Variants in PPARGC1A observed in about 807,000 individuals in gnomAD.
PPARGC1A encodes the protein peroxisome proliferator-activated receptor gamma coactivator 1-alpha.
A neutral mutation model predicts 88.7 loss-of-function variants in PPARGC1A; 25 were observed. The ratio of observed to expected loss-of-function variants is 0.28; its 90% CI spans 0.21 to 0.39. PPARGC1A has a LOEUF of 0.39. PPARGC1A is among the 10% of genes least tolerant of loss of function. The probability of loss-of-function intolerance (pLI) is 1.00; values close to 1 mark genes in which losing one functional copy is unlikely to be tolerated. For missense variants in PPARGC1A, 880 were observed against 968.7 expected (o/e 0.91, Z 1.22); for synonymous variants, 363 against 355.6 (o/e 1.02, Z -0.24).
At chr4:23,853,136 G>T (rs1371861428) in intron 2 of PPARGC1A, among the ~76,000 whole-genome samples, 1 of 152,012 alleles carries the variant, frequency 6.6e-6, no homozygotes. Context: ...TTAGAAGAAG[G>T]TTTTCATTAT....
At chr4:23,867,613 T>G (rs1477374193) in intron 2 of PPARGC1A, among the ~76,000 whole-genome samples, 3 of 152,184 alleles carry the variant, frequency 2.0e-5, no homozygotes, top group Non-Finnish European at 2.9e-5. Context: ...GTGAAGGAGA[T>G]CCTCTCTCTG....
chr4:24,279,597 G>T, the PPARGC1A span, among the ~76,000 whole-genome samples: 1 of 152,092 alleles, frequency 6.6e-6, no homozygotes, highest in African/African-American at 2.4e-5. Flanking sequence ...CCAGAACCAG[G>T]CAGACTCTCC....
chr4:24,178,372 C>T, the PPARGC1A span, among the ~76,000 whole-genome samples: 1 of 152,000 alleles, frequency 6.6e-6, no homozygotes, highest in South Asian at 2.1e-4. Context: ...TGGCATATGG[C>T]GATTGGTATT....
the PPARGC1A span, among the ~76,000 whole-genome samples, chr4:24,245,302 C>T: frequency 0.013 from 1,913 of 152,244 alleles, 43 homozygotes; most frequent in African/African-American, 0.043. Context: ...AGCATTGGAG[C>T]GTCTTATTTT....
chr4:23,928,858 T>C, the PPARGC1A span, among the ~76,000 whole-genome samples: 1 of 150,882 alleles, frequency 6.6e-6, no homozygotes, highest in African/African-American at 2.4e-5. Context: ...GCCATTATCC[T>C]CAGCAAACTA....
At chr4:24,460,181 C>A in the PPARGC1A span, among the ~76,000 whole-genome samples, 1 of 152,182 alleles carries the variant, frequency 6.6e-6, no homozygotes, top group African/African-American at 2.4e-5. Context: ...TAAGGTGCCA[C>A]AGTACAAATG....
chr4:24,098,887 A>G, the PPARGC1A span, among the ~76,000 whole-genome samples: 1 of 152,238 alleles, frequency 6.6e-6, no homozygotes, highest in African/African-American at 2.4e-5. Context: ...TTTTCTGTAC[A>G]TATGAATCTG....
chr4:23,865,972 C>T (rs535190676), intron 2 of PPARGC1A: 17 of 151,490 alleles, frequency 1.1e-4, no homozygotes, highest in African/African-American at 3.6e-4. Context: ...CACACACACG[C>T]ACACATGTAC....
At chr4:24,236,700 G>T in the PPARGC1A span, among the ~76,000 whole-genome samples, 1 of 152,140 alleles carries the variant, frequency 6.6e-6, no homozygotes, top group East Asian at 1.9e-4. Context: ...TGCCCCATCT[G>T]CAAACACACA....
chr4:24,013,257 A>T, the PPARGC1A span, among the ~76,000 whole-genome samples: 1 of 152,150 alleles, frequency 6.6e-6, no homozygotes. Flanking sequence ...ACAAAATTTT[A>T]ACTAAAATTC....
chr4:23,868,195 G>A (rs1276184389), intron 2 of PPARGC1A, among the ~76,000 whole-genome samples: 1 of 152,062 alleles, frequency 6.6e-6, no homozygotes, highest in Non-Finnish European at 1.5e-5. Flanking sequence ...GCCTTTACCC[G>A]CCAATGCACA....
chr4:24,242,666 T>C, the PPARGC1A span, among the ~76,000 whole-genome samples: 1 of 152,146 alleles, frequency 6.6e-6, no homozygotes, highest in African/African-American at 2.4e-5. Flanking sequence ...AAACAATTCT[T>C]AAAGTCTCGA....
intron 10 of PPARGC1A, among the ~76,000 whole-genome samples, chr4:23,803,843 T>G (rs556319676): frequency 1.3e-5 from 2 of 152,272 alleles, no homozygotes; most frequent in Admixed American, 1.3e-4. Context: ...TGGTCTTGGG[T>G]GATGAAAAGA....
the PPARGC1A span, chr4:24,258,130 G>T: frequency 1.4e-6 from 1 of 732,588 alleles, no homozygotes; most frequent in Non-Finnish European, 1.7e-6. Context: ...TTCCTGATAT[G>T]GCAAGAGCAG....
At chr4:24,064,932 T>C in the PPARGC1A span, among the ~76,000 whole-genome samples, 1 of 152,158 alleles carries the variant, frequency 6.6e-6, no homozygotes, top group Admixed American at 6.5e-5. Context: ...AGATTATCAC[T>C]CTAGAACAAA....
At chr4:24,049,963 T>C in the PPARGC1A span, among the ~76,000 whole-genome samples, 1 of 152,222 alleles carries the variant, frequency 6.6e-6, no homozygotes, top group African/African-American at 2.4e-5. Context: ...TTGATGTATC[T>C]GTATTCTTCA....
chr4:24,417,121 T>A, the PPARGC1A span, among the ~76,000 whole-genome samples: 66 of 151,232 alleles, frequency 4.4e-4, 2 homozygotes, highest in South Asian at 9.6e-3. Flanking sequence ...GAAGGAGAGT[T>A]GGAAGGGAGT....
At chr4:23,934,785 G>C in the PPARGC1A span, among the ~76,000 whole-genome samples, 3 of 152,174 alleles carry the variant, frequency 2.0e-5, no homozygotes, top group African/African-American at 7.2e-5. Flanking sequence ...GGCTCATCTA[G>C]GTTTTAAGTG....
chr4:24,303,769 G>A, the PPARGC1A span, among the ~76,000 whole-genome samples: 1 of 152,062 alleles, frequency 6.6e-6, no homozygotes, highest in Non-Finnish European at 1.5e-5. Context: ...CTAATAAACA[G>A]TGTTGTACAA....
Sources: gnomAD v4.1 joint callset for allele counts (sites outside exome capture counted in the v4.1 genomes callset) on GRCh38, gnomAD v4.1.1 for gene constraint, MANE v1.5 for transcripts, NCBI Gene and HGNC (gene_info 2026-07-23, HGNC 2026-07-21) for gene names.